WWOX: variants seen among roughly 807,000 people sequenced by gnomAD.
The protein encoded by WWOX is WW domain containing oxidoreductase.
A neutral mutation model predicts 46.2 loss-of-function variants in WWOX; 69 were observed. That is an observed-to-expected ratio of 1.49 (90% CI 1.23 to 1.82). The LOEUF is 1.82. WWOX is among the 40% of genes most tolerant of loss of function. The pLI is 0.00. For missense variants in WWOX, 919 were observed against 542.6 expected (o/e 1.69, Z -6.89); for synonymous variants, 359 against 202.6 (o/e 1.77, Z -6.56).
At chr16:78,888,093 C>A (rs865927189) in intron 8 of WWOX, among the ~76,000 whole-genome samples, 1 of 152,186 alleles carries the variant, frequency 6.6e-6, no homozygotes, top group African/African-American at 2.4e-5. Flanking sequence ...AATGAATCAT[C>A]TTTGTGAAAT....
At chr16:78,386,298 A>T (rs2082058721) in intron 5 of WWOX, among the ~76,000 whole-genome samples, 1 of 152,118 alleles carries the variant, frequency 6.6e-6, no homozygotes, top group Admixed American at 6.5e-5. Context: ...CCACCTGTTG[A>T]TAGAGTTTTC....
chr16:79,200,472 G>A (rs764948327), intron 8 of WWOX, among the ~76,000 whole-genome samples: 2 of 152,158 alleles, frequency 1.3e-5, no homozygotes, highest in Non-Finnish European at 2.9e-5. Flanking sequence ...CTGCCCCGTT[G>A]CTTGGCCGTG....
At chr16:79,199,977 G>T (rs1035579804) in intron 8 of WWOX, among the ~76,000 whole-genome samples, 2 of 152,202 alleles carry the variant, frequency 1.3e-5, no homozygotes, top group Non-Finnish European at 2.9e-5. Context: ...TGTGGGGGCA[G>T]AGAGTTCCAA....
At chr16:79,011,808 CA>C in intron 8 of WWOX, among the ~76,000 whole-genome samples, 1 of 151,684 alleles carries the variant, frequency 6.6e-6, no homozygotes, top group South Asian at 2.1e-4. Context: ...TTTTAAAAAA[CA>C]AAAAAACAAA....
chr16:78,779,211 C>T (rs553420657), intron 8 of WWOX, among the ~76,000 whole-genome samples: 34 of 152,200 alleles, frequency 2.2e-4, no homozygotes, highest in Non-Finnish European at 4.4e-4. Context: ...GTGGCATGAT[C>T]TTGGCTCAGT....
Position 78,761,506 on chromosome 16 carries a change from G to A in WWOX, c.1056+328754G>A, listed in dbSNP as rs74033562. On this transcript the variant is annotated intron_variant, in intron 8 of 8. Coordinates refer to ENST00000566780, the MANE Select transcript of WWOX (RefSeq NM_016373.4). ...TGAAATCTGTAGTGGTTGGTCTGCT[G>A]CTTTTCTTTCTCTGCTCATCTACCC... Among the ~76,000 whole-genome samples the A allele has an allele frequency of 8.9e-3, 1,361 of 152,252 alleles. 15 individuals carry two copies. The highest frequency in any genetic ancestry group is 0.031 in the African/African-American group (1,276 of 41,534).
intron 8 of WWOX, among the ~76,000 whole-genome samples, chr16:78,807,686 G>C (rs2051078909): frequency 6.6e-6 from 1 of 152,176 alleles, no homozygotes; most frequent in Admixed American, 6.5e-5. Flanking sequence ...GGCATCAGCT[G>C]ATTCTCAGAA....
intron 8 of WWOX, among the ~76,000 whole-genome samples, chr16:79,103,753 G>C (rs2049249813): frequency 6.6e-6 from 1 of 152,052 alleles, no homozygotes; most frequent in South Asian, 2.1e-4. Context: ...GTCCGTTCAA[G>C]GCATTCAGTT....
At chr16:78,345,653 A>G (rs1295569469) in intron 5 of WWOX, among the ~76,000 whole-genome samples, 3 of 107,862 alleles carry the variant, frequency 2.8e-5, no homozygotes, top group African/African-American at 9.3e-5. Context: ...AAAAAAAAAA[A>G]AAAAAAAAAA....
intron 8 of WWOX, chr16:78,691,162 C>G: frequency 4.3e-6 from 3 of 691,340 alleles, no homozygotes; most frequent in Non-Finnish European, 7.9e-6. Flanking sequence ...AGTATTTCCC[C>G]CAGTGTTTGT....
At chr16:78,312,545 T>C (rs1230545364) in intron 5 of WWOX, among the ~76,000 whole-genome samples, 2 of 152,012 alleles carry the variant, frequency 1.3e-5, no homozygotes, top group African/African-American at 2.4e-5. Context: ...CAGCTAACTT[T>C]TGAATTTTTA....
In WWOX at chr16:78,144,450, C is replaced by CATAT. The variant is rs1555543045; in HGVS notation, c.410-19723_410-19720dup. Among the ~76,000 whole-genome samples, 124 of 24,938 alleles carry CATAT rather than the reference C, an allele frequency of 5.0e-3. 16 individuals carry two copies. The highest frequency in any genetic ancestry group is 6.4e-3 in the Non-Finnish European group (83 of 12,998). The allele number at this position is 24,938 out of a possible 152,430, so 16.4% of individuals were successfully genotyped here. On this transcript the variant is annotated intron_variant, in intron 4 of 8. Coordinates refer to ENST00000566780, the MANE Select transcript of WWOX (RefSeq NM_016373.4). ...ATTACTATATATATATATATATACA[C>CATAT]ATATATATATATACACACATATATA...
intron 8 of WWOX, among the ~76,000 whole-genome samples, chr16:78,633,920 C>G (rs933819918): frequency 7.0e-6 from 1 of 142,738 alleles, no homozygotes; most frequent in Non-Finnish European, 1.5e-5. Flanking sequence ...TTTTAGATTT[C>G]TCATTGCTGA....
chr16:78,444,173 C>G (rs536183180), intron 8 of WWOX, among the ~76,000 whole-genome samples: 3 of 152,140 alleles, frequency 2.0e-5, no homozygotes, highest in African/African-American at 2.4e-5. Context: ...GCACATGTTC[C>G]CAGCTCCGTG....
intron 8 of WWOX, among the ~76,000 whole-genome samples, chr16:78,779,367 G>A (rs2050269649): frequency 6.6e-6 from 1 of 152,054 alleles, no homozygotes; most frequent in South Asian, 2.1e-4. Context: ...GACTGGTCTT[G>A]AACTCTTGAG....
At chr16:78,976,585 C>T (rs181152774) in intron 8 of WWOX, among the ~76,000 whole-genome samples, 4 of 152,236 alleles carry the variant, frequency 2.6e-5, no homozygotes, top group East Asian at 3.9e-4. Context: ...CTTGCAGCTG[C>T]GAAAAGCATG....
intron 8 of WWOX, among the ~76,000 whole-genome samples, chr16:78,486,698 C>T (rs750473488): frequency 3.9e-5 from 6 of 152,182 alleles, no homozygotes; most frequent in African/African-American, 7.2e-5. Context: ...CTTAGCCTCC[C>T]GCGTAGCTGG....
rs758757050 is a variant in WWOX, at chr16:79,212,219, G to C, written c.*423G>C. ...CTCCTACTTAGGGAAGAAAAAGCAA[G>C]TGTTCACTGCTCCTTGCTGCATTGA... On this transcript the variant is annotated 3_prime_UTR_variant, in exon 9 of 9. Transcript: ENST00000566780. The C allele has an allele frequency of 3.0e-4, 419 of 1,413,804 alleles. No homozygotes were observed. The highest frequency in any genetic ancestry group is 3.8e-4 in the Non-Finnish European group (404 of 1,077,142). The allele number at this position is 1,413,804 out of a possible 1,614,324, so 87.6% of individuals were successfully genotyped here. A position where few individuals can be genotyped will look rare whatever the true frequency, so the allele number is the denominator to read the frequency against.
intron 5 of WWOX, among the ~76,000 whole-genome samples, chr16:78,259,693 T>G (rs889916351): frequency 2.0e-5 from 3 of 151,530 alleles, no homozygotes; most frequent in Non-Finnish European, 4.4e-5. Context: ...AAGTGGGCAT[T>G]CTAATATACT....
Sources: gnomAD v4.1 joint callset for allele counts (sites outside exome capture counted in the v4.1 genomes callset) on GRCh38, gnomAD v4.1.1 for gene constraint, MANE v1.5 for transcripts, NCBI Gene and HGNC (gene_info 2026-07-23, HGNC 2026-07-21) for gene names.